QRSL1: variants seen among roughly 807,000 people sequenced by gnomAD.
The protein encoded by QRSL1 is glutaminyl-tRNA amidotransferase subunit QRSL1, also known as glutamyl-tRNA(Gln) amidotransferase subunit A, mitochondrial.
Under a neutral mutation model 61.6 loss-of-function variants are expected in QRSL1, and 54 were observed. That is an observed-to-expected ratio of 0.88 (90% confidence interval 0.70 to 1.10). The LOEUF is 1.10. Among genes scored for constraint, QRSL1 ranks in the 50% least tolerant of loss-of-function variants. QRSL1 has a pLI of 0.00. For synonymous variants in QRSL1, 228 were observed against 225.7 expected (o/e 1.01, Z -0.09); for missense variants, 505 against 622.6 (o/e 0.81, Z 2.01).
rs191223396 is a variant in QRSL1 at position 106,650,946 on chromosome 6, G to A, written c.558-1263G>A. ...TTTCCTGAAATGGTTTTTTAATTGT[G>A]GTAAAATGCACATAACATAAAATGT... On this transcript the variant is annotated intron_variant, in intron 5 of 10. Transcript: ENST00000369046. 2.6e-5 allele frequency among the ~76,000 whole-genome samples: 4 copies of A among 152,068 alleles called. No individual in the cohort carries two copies. In the East Asian group the frequency reaches 7.7e-4, roughly 29 times the overall value.
At position 106,649,089 on chromosome 6, in the gene QRSL1, A is replaced by G; in HGVS notation, c.445A>G (p.Arg149Gly). ...CCCCTGGAGTTATTCAAAACAATAT[A>G]GAGAAAAGAGGAAGCAGAATCCCCA... ...KNPWSYSKQY[R>G]EKRKQNPHSE... is the part of the protein sequence containing the mutation. The change falls in exon 5 of 11, where the codon AGA becomes GGA. Residue 149 changes from arginine (R) to glycine (G), a missense_variant. Physicochemically the swap from Arg to Gly is moderately radical, Grantham distance 125 (BLOSUM62 -2). Transcript: ENST00000369046. 2 of 1,614,178 alleles carry G rather than the reference A, an allele frequency of 1.2e-6. No individual in the cohort carries two copies. The highest frequency in any genetic ancestry group is 1.7e-6 in the Non-Finnish European group (2 of 1,180,012).
At chr6:106,632,244 C>T (rs1374304033) in intron 1 of QRSL1, among the ~76,000 whole-genome samples, 1 of 152,174 alleles carries the variant, frequency 6.6e-6, no homozygotes, top group Admixed American at 6.5e-5. Flanking sequence ...CAAATCTTGG[C>T]TATTGTGAAT....
intron 1 of QRSL1, among the ~76,000 whole-genome samples, chr6:106,632,323 A>G (rs1776848959): frequency 6.6e-6 from 1 of 152,188 alleles, no homozygotes; most frequent in African/African-American, 2.4e-5. Context: ...TTAGGTGCAT[A>G]TATACGTAGC....
chr6:106,641,606 A>G (rs993265052), intron 3 of QRSL1, among the ~76,000 whole-genome samples: 4 of 152,348 alleles, frequency 2.6e-5, no homozygotes, highest in Admixed American at 6.5e-5. Context: ...GACGCTAAAA[A>G]TAATATTCTA....
intron 1 of QRSL1, among the ~76,000 whole-genome samples, chr6:106,635,699 C>A (rs112606633): frequency 5.9e-5 from 9 of 151,984 alleles, no homozygotes; most frequent in Middle Eastern, 3.2e-3. Context: ...ATGGTGAAAC[C>A]CCGTCTCTAC....
chr6:106,640,497 G>C lies in QRSL1; in HGVS notation c.173G>C (p.Arg58Thr). ...AAACAAGCTGAAGAATCAGAAAAGA[G>C]ATATAAGAATGGTAAATTGCTTTTA... ...ALKQAEESEK[R>T]YKNGQSLGDL... The change falls in exon 2 of 11, where the codon AGA becomes ACA. Residue 58 changes from arginine to threonine, a missense_variant. By Grantham distance (71) the Arg-to-Thr change is moderately conservative (BLOSUM62 -1). Coordinates refer to ENST00000369046, the MANE Select transcript of QRSL1 (RefSeq NM_018292.5). 2 of 1,573,706 alleles carry C rather than the reference G, an allele frequency of 1.3e-6. No homozygotes were observed. The highest frequency in any genetic ancestry group is 1.4e-5 in the African/African-American group (1 of 72,688).
chr6:106,630,183 AC>A (rs1776790488), intron 1 of QRSL1, among the ~76,000 whole-genome samples: 1 of 152,134 alleles, frequency 6.6e-6, no homozygotes, highest in Non-Finnish European at 1.5e-5. Context: ...TGATTTCCTA[AC>A]CCGTGTCTCC....
intron 9 of QRSL1, 136 bp from the exon 10 acceptor site, chr6:106,662,844 T>A: frequency 1.3e-6 from 1 of 754,628 alleles, no homozygotes; most frequent in Non-Finnish European, 2.1e-6. Flanking sequence ...GAATGGGCAT[T>A]ACACAGGCAA....
At chr6:106,638,974 G>A (rs1776965675) in intron 1 of QRSL1, among the ~76,000 whole-genome samples, 1 of 152,148 alleles carries the variant, frequency 6.6e-6, no homozygotes, top group African/African-American at 2.4e-5. Flanking sequence ...TAGAAATGGT[G>A]AAGACTGTAT....
Position 106,629,712 on chromosome 6 carries a change from G to A in QRSL1, c.24+7G>A. The A allele has an allele frequency of 6.2e-7, 1 of 1,605,262 alleles. No homozygotes were observed. Among genetic ancestry groups the A allele is most frequent in the African/African-American group, 1.3e-5 (1 of 74,876 alleles). ...GGGCCGGAGCCTCCGAGAAGTGAGT[G>A]GAATTGGCCCGCTGAGGCCCCCGGG... On this transcript the variant is annotated splice_region_variant and intron_variant, in intron 1 of 10. Transcript: ENST00000369046.
chr6:106,644,600 A>T (rs1777078563), intron 4 of QRSL1, among the ~76,000 whole-genome samples: 1 of 152,064 alleles, frequency 6.6e-6, no homozygotes, highest in African/African-American at 2.4e-5. Flanking sequence ...GGCTCACTAC[A>T]ACCTCCGCCT....
rs1380972208 is a variant in QRSL1 at position 106,639,140 on chromosome 6, T to G, written c.25-1209T>G. ...TGTTGTTTTTTTTTTTTTTTTTTTT[T>G]TTTTTTGACAGAGTCTGGCTCTGTC... is the stretch of plus-strand genomic sequence containing the variant. On this transcript the variant is annotated intron_variant, in intron 1 of 10. Transcript: ENST00000369046. 2.2e-4 allele frequency among the ~76,000 whole-genome samples: 31 copies of G among 142,054 alleles called. 1 individual carries two copies. The highest frequency in any genetic ancestry group is 7.4e-4 in the African/African-American group (28 of 37,652). The allele number at this position is 142,054 out of a possible 152,430, so 93.2% of individuals were successfully genotyped here.
Position 106,640,827 on chromosome 6 carries a change from G to A in QRSL1, c.189G>A (p.Gln63=). The change falls in exon 3 of 11, where the codon CAG becomes CAA. Residue 63 remains glutamine (Q), a synonymous_variant. Coordinates refer to ENST00000369046, the MANE Select transcript of QRSL1 (RefSeq NM_018292.5). ...TCTTTTGGCTTTTTAATGCAGGACAGTCACTTGGGGATTTAGATGGAATTC... is the reference window on the plus strand; with the variant it reads ...TCTTTTGGCTTTTTAATGCAGGACAATCACTTGGGGATTTAGATGGAATTC... ...EESEKRYKNG[Q]SLGDLDGIPI... is the part of the protein sequence containing the mutation. The A allele has an allele frequency of 6.2e-7, 1 of 1,613,138 alleles. No homozygotes were observed. The highest frequency in any genetic ancestry group is 8.5e-7 in the Non-Finnish European group (1 of 1,179,430).
At chr6:106,665,398 T>C (rs1582423754) in intron 10 of QRSL1, among the ~76,000 whole-genome samples, 1 of 152,312 alleles carries the variant, frequency 6.6e-6, no homozygotes, top group African/African-American at 2.4e-5. Flanking sequence ...CTCCTCCTCA[T>C]CTAAGAAGAT....
At chr6:106,639,121 T>TG (rs1776971487) in intron 1 of QRSL1, among the ~76,000 whole-genome samples, 1 of 54,626 alleles carries the variant, frequency 1.8e-5, no homozygotes, top group Non-Finnish European at 4.3e-5. Flanking sequence ...GTTTTGTTGT[T>TG]TTTTTTTTTT....
At chr6:106,640,566 T>G in intron 2 of QRSL1, 58 bp downstream of exon 2, 1 of 1,394,884 alleles carries the variant, frequency 7.2e-7, no homozygotes, top group Non-Finnish European at 9.6e-7. Flanking sequence ...TAATTGTTTG[T>G]AGCAGTCTCC....
At chr6:106,650,148 G>T (rs1257121138) in intron 5 of QRSL1, among the ~76,000 whole-genome samples, 1 of 152,042 alleles carries the variant, frequency 6.6e-6, no homozygotes, top group African/African-American at 2.4e-5. Flanking sequence ...AGGACTGCAG[G>T]ATTAGGTGCT....
At chr6:106,659,153 C>T (rs1012295184) in intron 9 of QRSL1, among the ~76,000 whole-genome samples, 21 of 151,998 alleles carry the variant, frequency 1.4e-4, no homozygotes, top group African/African-American at 5.1e-4. Flanking sequence ...ATATTTTCTT[C>T]TACCTTCTTG....
chr6:106,648,048 A>G (rs1361254137), intron 4 of QRSL1, among the ~76,000 whole-genome samples: 3 of 151,216 alleles, frequency 2.0e-5, no homozygotes, highest in Non-Finnish European at 4.4e-5. Context: ...CTGTAATCCC[A>G]GCACTTTGGG....
Sources: gnomAD v4.1 joint callset for allele counts (sites outside exome capture counted in the v4.1 genomes callset) on GRCh38, gnomAD v4.1.1 for gene constraint, MANE v1.5 for transcripts, NCBI Gene and HGNC (gene_info 2026-07-23, HGNC 2026-07-21) for gene names.